Variants in LYZL1 observed in about 807,000 individuals in gnomAD.
The protein encoded by LYZL1 is lysozyme like 1.
In LYZL1, 16 loss-of-function variants were observed where a neutral mutation model predicts 17.9. The ratio of observed to expected loss-of-function variants is 0.90; its 90% CI spans 0.61 to 1.36. The LOEUF (loss-of-function observed/expected upper bound fraction) is 1.36. LYZL1 is among the 40% of genes most tolerant of loss of function. LYZL1 has a pLI of 0.00. For missense variants in LYZL1, 149 were observed against 188.4 expected, an observed-to-expected ratio of 0.79 and a Z score of 1.22; for synonymous variants, 58 against 71.8, an observed-to-expected ratio of 0.81 and a Z score of 0.97.
At position 29,311,041 on chromosome 10, in the gene LYZL1, A is replaced by T. The variant is rs1835664726; in HGVS notation, c.429A>T (p.Lys143Asn). The T allele has an allele frequency of 6.2e-7, 1 of 1,614,038 alleles. No individual in the cohort carries two copies. Among genetic ancestry groups the T allele is most frequent in the Admixed American group, 1.7e-5 (1 of 60,000 alleles). The change falls in exon 5 of 5, where the codon AAA becomes AAT. Residue 143 changes from lysine to asparagine, a missense_variant. Lys to Asn is a moderately conservative substitution (Grantham distance 94). Transcript: ENST00000649382. ...CEGRDLSEWK[K>N]GCEVS ...GCAGAGACCTGTCCGAGTGGAAAAAAGGCTGTGAGGTTTCCTAAACTGGAA... is the reference window on the plus strand; with the variant it reads ...GCAGAGACCTGTCCGAGTGGAAAAATGGCTGTGAGGTTTCCTAAACTGGAA...
intron 3 of LYZL1, among the ~76,000 whole-genome samples, chr10:29,296,394 A>G (rs1835446935): frequency 6.6e-6 from 1 of 152,224 alleles, no homozygotes; most frequent in South Asian, 2.1e-4. Context: ...AGCATTAGCT[A>G]CTTCTGGAAG....
chr10:29,298,673 G>A (rs10826598), intron 3 of LYZL1, among the ~76,000 whole-genome samples: 38,468 of 152,082 alleles, frequency 0.25, 5,051 homozygotes, highest in East Asian at 0.34. Context: ...GGGACTCGAT[G>A]AGGGAGAAAG....
At chr10:29,296,317 G>A (rs1835445657) in intron 3 of LYZL1, among the ~76,000 whole-genome samples, 1 of 152,182 alleles carries the variant, frequency 6.6e-6, no homozygotes, top group East Asian at 1.9e-4. Flanking sequence ...TAAATCAGCA[G>A]AGAGAAAGCT....
intron 3 of LYZL1, among the ~76,000 whole-genome samples, chr10:29,299,085 C>T (rs1835483064): frequency 1.3e-5 from 2 of 152,164 alleles, no homozygotes; most frequent in South Asian, 4.1e-4. Context: ...CAACCTAGAT[C>T]CCTTGCATGC....
chr10:29,297,139 C>G (rs142830088), intron 3 of LYZL1, among the ~76,000 whole-genome samples: 3 of 146,008 alleles, frequency 2.1e-5, no homozygotes, highest in African/African-American at 7.6e-5. Context: ...AATAAAGAAC[C>G]TTTGGAAATT....
chr10:29,304,327 C>T (rs923487606), intron 3 of LYZL1, among the ~76,000 whole-genome samples: 1 of 152,084 alleles, frequency 6.6e-6, no homozygotes, highest in Non-Finnish European at 1.5e-5. Context: ...ATTATTGACT[C>T]TCTATCTAGT....
At chr10:29,303,329 T>G (rs1482158151) in intron 3 of LYZL1, among the ~76,000 whole-genome samples, 2 of 152,162 alleles carry the variant, frequency 1.3e-5, no homozygotes, top group Non-Finnish European at 2.9e-5. Context: ...AGAGCTCCTC[T>G]GGGCAGAAAG....
At chr10:29,293,319 T>C (rs1774950) in intron 3 of LYZL1, among the ~76,000 whole-genome samples, 76,778 of 151,322 alleles carry the variant, frequency 0.51, 20,010 homozygotes, top group Non-Finnish European at 0.58. Context: ...AGTCTGGCTA[T>C]GGAGTCCCGT....
At chr10:29,305,891 C>A (rs146050409) in intron 3 of LYZL1, among the ~76,000 whole-genome samples, 1 of 152,272 alleles carries the variant, frequency 6.6e-6, no homozygotes, top group East Asian at 1.9e-4. Flanking sequence ...AAATAGCATG[C>A]TCGAGGGAAA....
chr10:29,314,069 T>C (rs987098412), downstream of LYZL1, among the ~76,000 whole-genome samples: 4 of 152,190 alleles, frequency 2.6e-5, no homozygotes, highest in Non-Finnish European at 5.9e-5. Context: ...TTATACCCAG[T>C]ATATCATTTC....
At chr10:29,300,211 T>C (rs150900748) in intron 3 of LYZL1, among the ~76,000 whole-genome samples, 2,062 of 151,010 alleles carry the variant, frequency 0.014, 27 homozygotes, top group East Asian at 0.068. Flanking sequence ...CATCTATTCT[T>C]GGTTCCATTT....
At chr10:29,310,402 T>A (rs1455460718) in intron 4 of LYZL1, among the ~76,000 whole-genome samples, 1 of 151,940 alleles carries the variant, frequency 6.6e-6, no homozygotes, top group African/African-American at 2.4e-5. Flanking sequence ...TGGGTTAAGA[T>A]AATTTGCAAT....
At chr10:29,314,857 T>A (rs1751952), downstream of LYZL1, among the ~76,000 whole-genome samples, 1 of 152,192 alleles carries the variant, frequency 6.6e-6, no homozygotes, top group African/African-American at 2.4e-5. Context: ...CACAGCGCAA[T>A]GGCAGAGAAT....
chr10:29,291,106 A>T (rs555608130), intron 1 of LYZL1, among the ~76,000 whole-genome samples: 2 of 149,572 alleles, frequency 1.3e-5, no homozygotes, highest in African/African-American at 2.4e-5. Context: ...GAAAATCTGC[A>T]TGTAACTTTT....
intron 3 of LYZL1, among the ~76,000 whole-genome samples, chr10:29,302,944 G>A (rs1002364529): frequency 6.6e-6 from 1 of 152,140 alleles, no homozygotes; most frequent in Non-Finnish European, 1.5e-5. Context: ...AGTTTTTAGG[G>A]TAGGGCTAGT....
chr10:29,301,063 A>G (rs1835511926), intron 3 of LYZL1, among the ~76,000 whole-genome samples: 1 of 152,060 alleles, frequency 6.6e-6, no homozygotes, highest in African/African-American at 2.4e-5. Flanking sequence ...CTTGAATTGT[A>G]ACTCCCATAA....
intron 3 of LYZL1, among the ~76,000 whole-genome samples, chr10:29,301,968 C>T (rs375239587): frequency 9.9e-5 from 15 of 151,976 alleles, no homozygotes; most frequent in African/African-American, 2.9e-4. Flanking sequence ...TTTTCAGATA[C>T]CGTATTTTTT....
chr10:29,307,983 A>G (rs1304250790), intron 3 of LYZL1, among the ~76,000 whole-genome samples: 1 of 152,182 alleles, frequency 6.6e-6, no homozygotes, highest in Non-Finnish European at 1.5e-5. Context: ...GCCCTTGTCA[A>G]CGTCAAGCAT....
chr10:29,297,995 T>C (rs927608572), intron 3 of LYZL1, among the ~76,000 whole-genome samples: 3 of 152,212 alleles, frequency 2.0e-5, no homozygotes, highest in African/African-American at 7.2e-5. Flanking sequence ...AAATTATCAG[T>C]ACATTTTGAG....
Sources: gnomAD v4.1 joint callset for allele counts (sites outside exome capture counted in the v4.1 genomes callset) on GRCh38, gnomAD v4.1.1 for gene constraint, MANE v1.5 for transcripts, NCBI Gene and HGNC (gene_info 2026-07-23, HGNC 2026-07-21) for gene names.